USP7: variants seen among roughly 807,000 people sequenced by gnomAD.
The protein encoded by USP7 is ubiquitin specific peptidase 7, also known as ubiquitin C-terminal hydrolase 7.
In USP7, 9 loss-of-function variants were observed where a neutral mutation model predicts 162.9. That is an observed-to-expected ratio of 0.06 (90% CI 0.03 to 0.10). USP7 has a LOEUF of 0.10. USP7 is among the 10% of genes least tolerant of loss of function. The pLI is 1.00. For synonymous variants in USP7, 562 were observed against 475.9 expected, an observed-to-expected ratio of 1.18 and a Z score of -2.35; for missense variants, 715 against 1,373.7, an observed-to-expected ratio of 0.52 and a Z score of 7.58.
intron 6 of USP7, 101 bp from the exon 7 acceptor site, chr16:8,917,257 A>G (rs927904504): frequency 2.2e-6 from 3 of 1,374,938 alleles, no homozygotes; most frequent in South Asian, 1.6e-5. Flanking sequence ...ATCATTTCTA[A>G]TAACACAATG....
intron 21 of USP7, chr16:8,900,156 G>C (rs2061751052): frequency 2.8e-6 from 1 of 354,342 alleles, no homozygotes; most frequent in East Asian, 6.9e-5. Flanking sequence ...TTCAGACACT[G>C]AGTGTCTAAG....
At chr16:8,928,318 A>G (rs1272439652) in intron 2 of USP7, among the ~76,000 whole-genome samples, 2 of 152,140 alleles carry the variant, frequency 1.3e-5, no homozygotes, top group Non-Finnish European at 2.9e-5. Context: ...GACACTCAAC[A>G]CTCAAGGACA....
At position 8,962,726 on chromosome 16, in the gene USP7, A is replaced by C. The variant is rs181183764; in HGVS notation, c.79+481T>G. On this transcript the variant is annotated intron_variant, in intron 1 of 30. Transcript: ENST00000344836. ...CCGACGCTAGGCAGTGCTGTTAGAA[A>C]GTGATTTGGAAGAGCGCTTCCGAGC... 401 of 168,284 alleles carry C rather than the reference A, an allele frequency of 2.4e-3. 3 individuals carry two copies. Among genetic ancestry groups the C allele is most frequent in the African/African-American group, 8.9e-3 (378 of 42,352 alleles). 10.4% of individuals were successfully genotyped at this position (168,284 alleles called of 1,614,324 possible).
Position 8,902,046 on chromosome 16 carries a change from GCTCTAAGTGCAGGCAGGCGT to G in USP7, c.2047+16_2047+35del. 7 of 1,545,918 alleles carry G rather than the reference GCTCTAAGTGCAGGCAGGCGT, an allele frequency of 4.5e-6. No homozygotes were observed. The highest frequency in any genetic ancestry group is 6.3e-6 in the Non-Finnish European group (7 of 1,118,450). On this transcript the variant is annotated intron_variant, in intron 18 of 30. Coordinates refer to ENST00000344836, the MANE Select transcript of USP7 (RefSeq NM_003470.3). The stretch of plus-strand genomic sequence containing the variant: ...AACAATCCAGGAATCCAACGCTACT[GCTCTAAGTGCAGGCAGGCGT>G]CTCGTGGGCACTTACGATCTTTATC...
rs55937310 is a variant in USP7, at chr16:8,892,606, T to TAAAAAA, written c.*1386_*1391dup. On this transcript the variant is annotated 3_prime_UTR_variant, in exon 31 of 31. Transcript: ENST00000344836. ...AGAGTAAATGTGACTAGTTAGAGGC[T>TAAAAAA]AAAAAAAAAAAAAAAAAAAAAAAGA... 4.8e-4 allele frequency: 57 copies of TAAAAAA among 119,832 alleles called. No homozygotes were observed. Among genetic ancestry groups the TAAAAAA allele is most frequent in the East Asian group, 1.2e-3 (5 of 4,068 alleles). The allele number at this position is 119,832 out of a possible 1,614,324, so 7.4% of individuals were successfully genotyped here.
Position 8,892,622 on chromosome 16 carries a change from A to G in USP7, c.*1376T>C, listed in dbSNP as rs76501830. 2 of 151,324 alleles carry G rather than the reference A, an allele frequency of 1.3e-5. No individual in the cohort carries two copies. Among genetic ancestry groups the G allele is most frequent in the Non-Finnish European group, 2.9e-5 (2 of 67,840 alleles). The allele number at this position is 151,324 out of a possible 1,614,324, so 9.4% of individuals were successfully genotyped here. ...GTTAGAGGCTAAAAAAAAAAAAAAA[A>G]AAAAAAAGAAACAAGAGACCCTGCC... On this transcript the variant is annotated 3_prime_UTR_variant, in exon 31 of 31. Transcript: ENST00000344836.
intron 1 of USP7, among the ~76,000 whole-genome samples, chr16:8,941,326 G>GCAT (rs1382640704): frequency 2.0e-5 from 3 of 152,218 alleles, no homozygotes; most frequent in Admixed American, 6.5e-5. Flanking sequence ...AGGATTTCAT[G>GCAT]CATCCCCTAA....
rs570863576 is a variant in USP7 at position 8,894,599 on chromosome 16, T to A, written c.3153A>T (p.Ile1051=). ...AATTTACTTCATACTCGTCTTCATT[T>A]ATGTACTGGTGTCGGCCCATCATTA... ...AIVMMGRHQY[I]NEDEYEVNLK... The change falls in exon 30 of 31, where the codon ATA becomes ATT. Residue 1051 remains isoleucine, a synonymous_variant. Transcript: ENST00000344836. 6.9e-5 allele frequency: 111 copies of A among 1,613,990 alleles called. 1 individual carries two copies. The highest frequency in any genetic ancestry group is 4.2e-6 in the Non-Finnish European group (5 of 1,180,030).
In USP7 at chr16:8,894,533, G is replaced by T. The variant is rs777890601; in HGVS notation, c.3202+17C>A. 2.1e-5 allele frequency: 34 copies of T among 1,608,736 alleles called. No homozygotes were observed. Among genetic ancestry groups the T allele is most frequent in the Admixed American group, 3.4e-5 (2 of 59,662 alleles). ...TCTGAAACCCACACCAGCCCCCGGG[G>T]GGGGGAGAACCCTTACCGGGCTGTG... On this transcript the variant is annotated intron_variant, in intron 30 of 30. Transcript: ENST00000344836.
chr16:8,910,667 T>C, intron 11 of USP7, 78 bp downstream of exon 11: 4 of 1,376,864 alleles, frequency 2.9e-6, no homozygotes, highest in Non-Finnish European at 4.1e-6. Context: ...CACAAGCAAA[T>C]TTTTATTTAG....
At chr16:8,916,357 C>G (rs1897368331) in intron 8 of USP7, 145 bp downstream of exon 8, 1 of 773,762 alleles carries the variant, frequency 1.3e-6, no homozygotes, top group Admixed American at 3.1e-5. Flanking sequence ...AACTAGACAT[C>G]TGCTGCCTTT....
chr16:8,897,262 C>G, intron 25 of USP7, 163 bp from the exon 26 acceptor site: 1 of 618,674 alleles, frequency 1.6e-6, no homozygotes, highest in Non-Finnish European at 2.9e-6. Context: ...TGTGAATTCA[C>G]TCACAGTGAG....
intron 1 of USP7, among the ~76,000 whole-genome samples, chr16:8,934,129 C>G (rs540920808): frequency 6.6e-6 from 1 of 152,244 alleles, no homozygotes; most frequent in African/African-American, 2.4e-5. Context: ...ACTTACCCTA[C>G]GACAATAGCT....
At position 8,892,513 on chromosome 16, in the gene USP7, ACAT is replaced by A. The variant is rs1287595933; in HGVS notation, c.*1482_*1484del. 6.6e-6 allele frequency: 1 copy of A among 151,852 alleles called. No homozygotes were observed. Among genetic ancestry groups the A allele is most frequent in the Non-Finnish European group, 1.5e-5 (1 of 67,996 alleles). 9.4% of individuals were successfully genotyped at this position (151,852 alleles called of 1,614,324 possible). ...CTGCCGCCCCGAAGGGCCTCGTGAC[ACAT>A]CAGGTCACATCTCCAGTCACCTTAT... On this transcript the variant is annotated 3_prime_UTR_variant, in exon 31 of 31. Transcript: ENST00000344836.
chr16:8,913,330 T>C (rs533470800), intron 10 of USP7, among the ~76,000 whole-genome samples: 1 of 152,176 alleles, frequency 6.6e-6, no homozygotes, highest in South Asian at 2.1e-4. Flanking sequence ...CACTCCAGCC[T>C]GGGCAACAGA....
chr16:8,895,011 G>C lies in USP7; in HGVS notation c.3039+20C>G. 14 of 1,614,168 alleles carry C rather than the reference G, an allele frequency of 8.7e-6. No homozygotes were observed. The highest frequency in any genetic ancestry group is 1.2e-5 in the Non-Finnish European group (14 of 1,180,028). ...CTCCAGGTTTTGACGTGAGCCACTC[G>C]GCCAACCACAACAGCATACCTGGTG... On this transcript the variant is annotated intron_variant, in intron 28 of 30. Coordinates refer to ENST00000344836, the MANE Select transcript of USP7 (RefSeq NM_003470.3).
At position 8,963,195 on chromosome 16, in the gene USP7, C is replaced by G. The variant is rs1368183306; in HGVS notation, c.79+12G>C. On this transcript the variant is annotated intron_variant, in intron 1 of 30. Coordinates refer to ENST00000344836, the MANE Select transcript of USP7 (RefSeq NM_003470.3). Reference sequence around the variant, plus strand: ...CCCCCCGGCCCCGCCGCGGCCGGCCCTCGGGCCTCACCTTCCATCTCCATG... The same window carrying G: ...CCCCCCGGCCCCGCCGCGGCCGGCCGTCGGGCCTCACCTTCCATCTCCATG... 1 of 1,411,258 alleles carries G rather than the reference C, an allele frequency of 7.1e-7. No individual in the cohort carries two copies. Among genetic ancestry groups the G allele is most frequent in the African/African-American group, 1.5e-5 (1 of 66,062 alleles). 87.4% of individuals were successfully genotyped at this position (1,411,258 alleles called of 1,614,324 possible). A position where few individuals can be genotyped will look rare whatever the true frequency, so the allele number is the denominator to read the frequency against.
intron 18 of USP7, 142 bp from the exon 19 acceptor site, chr16:8,901,376 G>A (rs971485396): frequency 1.5e-6 from 1 of 646,522 alleles, no homozygotes; most frequent in Non-Finnish European, 2.7e-6. Context: ...GACAGCTTAA[G>A]GTACCTAAAA....
At position 8,902,116 on chromosome 16, in the gene USP7, A is replaced by G. The variant is rs1229745597; in HGVS notation, c.2013T>C (p.Ala671=). 6.2e-7 allele frequency: 1 copy of G among 1,614,132 alleles called. No individual in the cohort carries two copies. The highest frequency in any genetic ancestry group is 8.5e-7 in the Non-Finnish European group (1 of 1,180,020). ...FLETVDPELA[A]SGATLPKFDK... Reference sequence around the variant, plus strand: ...CAAACTTGGGTAAGGTCGCTCCACTAGCAGCCAGCTCGGGATCAACTGTTT... The same window carrying G: ...CAAACTTGGGTAAGGTCGCTCCACTGGCAGCCAGCTCGGGATCAACTGTTT... The change falls in exon 18 of 31, where the codon GCT becomes GCC. Residue 671 remains alanine (A), a synonymous_variant. Transcript: ENST00000344836.
Sources: allele counts gnomAD v4.1 joint callset (sites outside exome capture counted in the v4.1 genomes callset), GRCh38; gene constraint gnomAD v4.1.1; transcripts MANE v1.5; gene names NCBI Gene and HGNC (gene_info 2026-07-23, HGNC 2026-07-21).